The following KLF12 variants were observed in gnomAD, a reference collection of about 807,000 sequenced individuals.
KLF12 encodes Krueppel-like factor 12.
In KLF12, 9 loss-of-function variants were observed where a neutral mutation model predicts 37.8. The ratio of observed to expected loss-of-function variants is 0.24; its 90% CI spans 0.14 to 0.42. The LOEUF (loss-of-function observed/expected upper bound fraction) is 0.42, where lower values mean the gene tolerates loss of function less well. Among genes scored for constraint, KLF12 ranks in the 10% least tolerant of loss-of-function variants. KLF12 has a pLI of 1.00. For missense variants in KLF12, 411 were observed against 516.0 expected, an observed-to-expected ratio of 0.80 and a Z score of 1.97; for synonymous variants, 208 against 202.1, an observed-to-expected ratio of 1.03 and a Z score of -0.25.
intron 5 of KLF12, among the ~76,000 whole-genome samples, chr13:73,785,877 C>A (rs1881308078): frequency 6.6e-6 from 1 of 152,164 alleles, no homozygotes; most frequent in South Asian, 2.1e-4. Flanking sequence ...AATAGATGAG[C>A]CTTCTGGGCA....
At chr13:73,967,567 A>G (rs1444765670) in intron 2 of KLF12, among the ~76,000 whole-genome samples, 1 of 152,176 alleles carries the variant, frequency 6.6e-6, no homozygotes, top group Non-Finnish European at 1.5e-5. Flanking sequence ...CTTAAGGTGT[A>G]TTATTCTTGG....
chr13:73,850,109 T>A (rs547809769), intron 3 of KLF12, among the ~76,000 whole-genome samples: 1 of 152,056 alleles, frequency 6.6e-6, no homozygotes, highest in South Asian at 2.1e-4. Context: ...GAAAAGTAAA[T>A]GGAACAATAT....
At chr13:74,041,103 C>T (rs1186008572) in intron 1 of KLF12, among the ~76,000 whole-genome samples, 1 of 152,222 alleles carries the variant, frequency 6.6e-6, no homozygotes, top group African/African-American at 2.4e-5. Context: ...CTGACAACCA[C>T]ACTAGACTAC....
intron 3 of KLF12, among the ~76,000 whole-genome samples, chr13:73,893,397 A>G (rs1344167558): frequency 8.7e-6 from 1 of 114,978 alleles, no homozygotes; most frequent in Non-Finnish European, 1.7e-5. Flanking sequence ...TTTTTTTGAG[A>G]CAGAGCCTCA....
At position 73,998,178 on chromosome 13, in the gene KLF12, C is replaced by G. The variant is rs187172185; in HGVS notation, c.-31-3125G>C. 3.6e-4 allele frequency among the ~76,000 whole-genome samples: 55 copies of G among 152,308 alleles called. No homozygotes were observed. In the East Asian group the frequency reaches 0.01, roughly 29 times the overall value. On this transcript the variant is annotated intron_variant, in intron 1 of 7. Transcript: ENST00000377669. ...ATCCACTTTAACAAATAAGCAGCTA[C>G]TCTGTCACAATTACCTCAGAGTACA...
chr13:73,982,098 GATTA>G (rs1891703070), intron 2 of KLF12, among the ~76,000 whole-genome samples: 1 of 152,056 alleles, frequency 6.6e-6, no homozygotes, highest in African/African-American at 2.4e-5. Context: ...TGACTAGAGT[GATTA>G]ATTCTTTTAA....
At chr13:73,732,930 T>C (rs78927047) in intron 6 of KLF12, among the ~76,000 whole-genome samples, 11,423 of 152,130 alleles carry the variant, frequency 0.075, 728 homozygotes, top group African/African-American at 0.17. Flanking sequence ...CTCCTGGCAG[T>C]CCAGAACAAA....
At chr13:73,754,579 C>T (rs745984398) in intron 6 of KLF12, among the ~76,000 whole-genome samples, 7 of 152,102 alleles carry the variant, frequency 4.6e-5, no homozygotes, top group Non-Finnish European at 8.8e-5. Flanking sequence ...CTCTATTAGC[C>T]ATGGTAATGA....
At chr13:73,869,497 T>C (rs951754027) in intron 3 of KLF12, among the ~76,000 whole-genome samples, 1 of 152,148 alleles carries the variant, frequency 6.6e-6, no homozygotes, top group Non-Finnish European at 1.5e-5. Flanking sequence ...TAGCAATATA[T>C]ATTTTTCAGG....
chr13:73,715,912 CA>C (rs1875767268), intron 6 of KLF12, among the ~76,000 whole-genome samples: 1 of 152,114 alleles, frequency 6.6e-6, no homozygotes, highest in Admixed American at 6.5e-5. Flanking sequence ...TTGCTATAGA[CA>C]AATGACAAAA....
At chr13:73,735,212 G>C (rs546680109) in intron 6 of KLF12, among the ~76,000 whole-genome samples, 2 of 151,092 alleles carry the variant, frequency 1.3e-5, no homozygotes, top group East Asian at 3.9e-4. Flanking sequence ...CAGGAAGGTC[G>C]TTTGAGCCCA....
the KLF12 span, among the ~76,000 whole-genome samples, chr13:74,184,052 A>T: frequency 6.6e-6 from 1 of 152,236 alleles, no homozygotes; most frequent in Non-Finnish European, 1.5e-5. Context: ...CAGCCTCAGC[A>T]TCAGGGAACT....
At position 73,715,271 on chromosome 13, in the gene KLF12, A is replaced by T. The variant is rs548331588; in HGVS notation, c.1027+97T>A. 6.5e-5 allele frequency: 65 copies of T among 992,968 alleles called. 1 individual carries two copies. The East Asian group carries it at 1.6e-3, about 24-fold the overall frequency. The allele number at this position is 992,968 out of a possible 1,614,324, so 61.5% of individuals were successfully genotyped here. A position where few individuals can be genotyped will look rare whatever the true frequency, so the allele number is the denominator to read the frequency against. ...AAGGAGGGAACTGGACTTGAGAGGT[A>T]CACAGGATGAATGAGTACGAAAGGC... is the stretch of plus-strand genomic sequence containing the variant. On this transcript the variant is annotated intron_variant, in intron 7 of 7. Coordinates refer to ENST00000377669, the MANE Select transcript of KLF12 (RefSeq NM_007249.5).
At chr13:73,931,102 C>A (rs567910378) in intron 3 of KLF12, among the ~76,000 whole-genome samples, 1 of 152,090 alleles carries the variant, frequency 6.6e-6, no homozygotes, top group Non-Finnish European at 1.5e-5. Flanking sequence ...AGGTGATCCA[C>A]CCGCCTCGGC....
At chr13:73,762,654 T>C (rs952063788) in intron 6 of KLF12, among the ~76,000 whole-genome samples, 7 of 152,158 alleles carry the variant, frequency 4.6e-5, no homozygotes, top group East Asian at 3.9e-4. Context: ...CAAGCTAGTG[T>C]TGAACTTGAC....
intron 7 of KLF12, among the ~76,000 whole-genome samples, chr13:73,699,270 A>C (rs1874374600): frequency 6.7e-6 from 1 of 149,942 alleles, no homozygotes; most frequent in Admixed American, 6.8e-5. Context: ...CTGCAGCCCC[A>C]GCGATTCGGG....
At position 73,914,395 on chromosome 13, in the gene KLF12, A is replaced by G. The variant is rs563112516; in HGVS notation, c.123+29586T>C. 4.6e-5 allele frequency among the ~76,000 whole-genome samples: 7 copies of G among 152,288 alleles called. No homozygotes were observed. In the East Asian group the frequency reaches 1.3e-3, roughly 29 times the overall value. Reference sequence around the variant, plus strand: ...TTATTAAAGCCCCAAGAATTTCACCAAAGTGAGGCATTTTCACTAACTCCT... The same window carrying G: ...TTATTAAAGCCCCAAGAATTTCACCGAAGTGAGGCATTTTCACTAACTCCT... On this transcript the variant is annotated intron_variant, in intron 3 of 7. Transcript: ENST00000377669.
chr13:74,221,298 G>A, the KLF12 span, among the ~76,000 whole-genome samples: 143 of 152,222 alleles, frequency 9.4e-4, 2 homozygotes, highest in South Asian at 0.02. Context: ...GAGCCACCGC[G>A]CCCAGCCATC....
chr13:73,915,576 G>A (rs1031281137), intron 3 of KLF12, among the ~76,000 whole-genome samples: 3 of 151,030 alleles, frequency 2.0e-5, no homozygotes, highest in East Asian at 2.0e-4. Context: ...GCAGTGGCAC[G>A]ATCTTGGCTC....
Sources: allele counts gnomAD v4.1 joint callset (sites outside exome capture counted in the v4.1 genomes callset), GRCh38; gene constraint gnomAD v4.1.1; transcripts MANE v1.5; gene names NCBI Gene and HGNC (gene_info 2026-07-23, HGNC 2026-07-21).